Variants in PCDHA2 observed in about 807,000 individuals in gnomAD.
PCDHA2 encodes the protein protocadherin alpha-2.
PCDHA2 carries 58 observed loss-of-function variants against 66.0 expected under a neutral mutation model. The observed-to-expected ratio is 0.88, with a 90% CI of 0.71 to 1.09. The LOEUF is 1.09. Among genes scored for constraint, PCDHA2 ranks in the 50% least tolerant of loss-of-function variants. PCDHA2 has a pLI of 0.00. For synonymous variants in PCDHA2, 634 were observed against 554.0 expected, an observed-to-expected ratio of 1.14 and a Z score of -2.03; for missense variants, 1,267 against 1,242.3, an observed-to-expected ratio of 1.02 and a Z score of -0.30.
At chr5:140,889,503 C>G (rs2062252341) in intron 1 of PCDHA2, among the ~76,000 whole-genome samples, 2 of 151,950 alleles carry the variant, frequency 1.3e-5, no homozygotes, top group Admixed American at 1.3e-4. Context: ...AGTGATATTT[C>G]CCTTTCCATT....
At chr5:140,871,609 A>G (rs1554165776) in intron 1 of PCDHA2, 1 of 1,428,296 alleles carries the variant, frequency 7.0e-7, no homozygotes, top group East Asian at 2.5e-5. Flanking sequence ...TGTTTTGAAT[A>G]TTGTTTTAGA....
At chr5:140,967,406 G>A in intron 1 of PCDHA2, 1 of 1,613,006 alleles carries the variant, frequency 6.2e-7, no homozygotes, top group Non-Finnish European at 8.5e-7. Flanking sequence ...GCTGCGTAAG[G>A]GCCTAGACCG....
intron 1 of PCDHA2, chr5:140,828,129 G>A (rs2150151215): frequency 3.7e-6 from 6 of 1,613,446 alleles, no homozygotes; most frequent in Non-Finnish European, 5.1e-6. Flanking sequence ...GGAAAGCAAT[G>A]TCTGCTCCTC....
At chr5:140,804,322 TTAA>T (rs1302399860) in intron 1 of PCDHA2, 1 of 152,090 alleles carries the variant, frequency 6.6e-6, no homozygotes, top group Non-Finnish European at 1.5e-5. Context: ...TAATACTACT[TTAA>T]TAATACTACT....
chr5:141,005,731 A>AAAAAAG (rs2098235322), intron 3 of PCDHA2, among the ~76,000 whole-genome samples: 2 of 149,106 alleles, frequency 1.3e-5, no homozygotes, highest in East Asian at 1.9e-4. Flanking sequence ...AAAAAAAAAA[A>AAAAAAG]GAATGGATGA....
chr5:140,803,034 C>A, intron 1 of PCDHA2: 1 of 1,614,030 alleles, frequency 6.2e-7, no homozygotes, highest in Non-Finnish European at 8.5e-7. Flanking sequence ...TGAGCTGCAG[C>A]CTGGGACCGG....
In PCDHA2 at chr5:140,922,223, C is replaced by T. The variant is rs115262412; in HGVS notation, c.2389-56726C>T. 8.0e-3 allele frequency among the ~76,000 whole-genome samples: 1,216 copies of T among 152,128 alleles called. 6 individuals are homozygous for T. Among genetic ancestry groups the T allele is most frequent in the African/African-American group, 0.019 (784 of 41,508 alleles). ...ATGAAACTTTGTAAAACATTTGAAC[C>T]TCAACCATGATGTGTATGAAGATAA... On this transcript the variant is annotated intron_variant, in intron 1 of 3. Transcript: ENST00000526136.
intron 1 of PCDHA2, among the ~76,000 whole-genome samples, chr5:140,911,947 G>A (rs559007219): frequency 1.4e-4 from 22 of 152,262 alleles, no homozygotes; most frequent in Non-Finnish European, 2.5e-4. Context: ...TATATATAAA[G>A]GGGAGGTTAC....
At chr5:140,912,164 C>G (rs1554195175) in intron 1 of PCDHA2, among the ~76,000 whole-genome samples, 1 of 152,158 alleles carries the variant, frequency 6.6e-6, no homozygotes, top group Non-Finnish European at 1.5e-5. Flanking sequence ...TTTATTCTGG[C>G]TGTGCTGGCA....
chr5:140,876,567 G>T (rs782286416), intron 1 of PCDHA2: 90 of 1,614,068 alleles, frequency 5.6e-5, no homozygotes, highest in Non-Finnish European at 6.3e-5. Context: ...ATGCTCAGGT[G>T]GGTACCGTCA....
chr5:140,855,191 C>T (rs1029956602), intron 1 of PCDHA2, among the ~76,000 whole-genome samples: 1 of 149,742 alleles, frequency 6.7e-6, no homozygotes, highest in East Asian at 1.9e-4. Flanking sequence ...CAAATTGAGG[C>T]CTGAGAATAG....
rs782644684 is a variant in PCDHA2 at position 140,870,861 on chromosome 5, G to C, written c.2388+73509G>C. The C allele has an allele frequency of 1.9e-6, 3 of 1,613,770 alleles. No individual in the cohort carries two copies. The African/African-American group carries it at 4.0e-5, about 22-fold the overall frequency. ...AGCTAGTACCGCGGTCGGTGGGTGC[G>C]GGCCACGTGGTGGCGAAGGTGCGCG... On this transcript the variant is annotated intron_variant, in intron 1 of 3. Coordinates refer to ENST00000526136, the MANE Select transcript of PCDHA2 (RefSeq NM_018905.3).
chr5:140,823,402 C>T (rs2150125577), intron 1 of PCDHA2: 2 of 1,613,148 alleles, frequency 1.2e-6, no homozygotes, highest in Admixed American at 1.7e-5. Context: ...GGGCGTGCCG[C>T]CTCTGGGCAG....
intron 1 of PCDHA2, chr5:140,927,232 G>A (rs1554204208): frequency 6.2e-7 from 1 of 1,614,104 alleles, no homozygotes; most frequent in African/African-American, 1.3e-5. Flanking sequence ...TCGGATTCAC[G>A]TCCTGGACAC....
intron 1 of PCDHA2, chr5:140,876,925 CAGA>C: frequency 6.2e-7 from 1 of 1,613,838 alleles, no homozygotes; most frequent in Non-Finnish European, 8.5e-7. Context: ...CGCGGACGCG[CAGA>C]AGAACGCGCT....
Position 140,979,003 on chromosome 5 carries a change from C to G in PCDHA2, c.2443C>G (p.His815Asp). ...RYSASLRAGM[H>D]SSVHLEEAGI... Reference sequence around the variant, plus strand: ...CTCTGCCTCCCTGAGAGCAGGCATGCACAGGTATGTATTTCCCTCCTCATT... The same window carrying G: ...CTCTGCCTCCCTGAGAGCAGGCATGGACAGGTATGTATTTCCCTCCTCATT... The change falls in exon 2 of 4, where the codon CAC becomes GAC. Residue 815 changes from histidine (H) to aspartate (D), a missense_variant. By Grantham distance (81) the His-to-Asp change is moderately conservative. Transcript: ENST00000526136. 1.2e-6 allele frequency: 2 copies of G among 1,614,144 alleles called. No homozygotes were observed. The highest frequency in any genetic ancestry group is 1.7e-6 in the Non-Finnish European group (2 of 1,180,022).
chr5:140,982,507 G>C lies in PCDHA2; in HGVS notation c.2480G>C (p.Arg827Pro). 6.2e-7 allele frequency: 1 copy of C among 1,614,138 alleles called. No homozygotes were observed. ...CACCTAGAGGAGGCTGGCATTCTAC[G>C]GGCTGGTCCAGGAGGGCCTGATCAG... ...SVHLEEAGIL[R>P]AGPGGPDQQW... is the part of the protein sequence containing the mutation. The change falls in exon 3 of 4, where the codon CGG becomes CCG. Residue 827 changes from arginine to proline, a missense_variant. Coordinates refer to ENST00000526136, the MANE Select transcript of PCDHA2 (RefSeq NM_018905.3).
At chr5:140,826,144 C>A (rs1554130462) in intron 1 of PCDHA2, among the ~76,000 whole-genome samples, 1 of 152,076 alleles carries the variant, frequency 6.6e-6, no homozygotes, top group East Asian at 1.9e-4. Flanking sequence ...TTGAGGAAGT[C>A]CTAGAAATTG....
chr5:140,844,369 CCTT>C (rs1275614273), intron 1 of PCDHA2, among the ~76,000 whole-genome samples: 2 of 149,326 alleles, frequency 1.3e-5, no homozygotes, highest in South Asian at 2.1e-4. Flanking sequence ...GATTTGTAAT[CCTT>C]CTTTTAATTC....
Sources: allele counts gnomAD v4.1 joint callset (sites outside exome capture counted in the v4.1 genomes callset), GRCh38; gene constraint gnomAD v4.1.1; transcripts MANE v1.5; gene names NCBI Gene and HGNC (gene_info 2026-07-23, HGNC 2026-07-21).